RPP30: variants seen among roughly 807,000 people sequenced by gnomAD.
RPP30 encodes the protein ribonuclease P/MRP subunit p30.
RPP30 carries 36 observed loss-of-function variants against 38.6 expected under a neutral mutation model. That is an observed-to-expected ratio of 0.93 (90% CI 0.71 to 1.23). RPP30 has a LOEUF of 1.23. RPP30 is among the 50% of genes most tolerant of loss of function. The pLI, the probability that RPP30 is intolerant of heterozygous loss-of-function variation, is 0.00. For synonymous variants in RPP30, 126 were observed against 112.7 expected, an observed-to-expected ratio of 1.12 and a Z score of -0.75; for missense variants, 321 against 321.7, an observed-to-expected ratio of 1.00 and a Z score of 0.02.
intron 6 of RPP30, among the ~76,000 whole-genome samples, chr10:90,886,711 G>A (rs999277189): frequency 8.5e-5 from 13 of 152,112 alleles, no homozygotes; most frequent in African/African-American, 3.1e-4. Flanking sequence ...TCAAAAACTG[G>A]TATCCAAGGA....
At position 90,900,857 on chromosome 10, in the gene RPP30, C is replaced by CT; in HGVS notation, c.*183dup. 7.7e-7 allele frequency: 1 copy of CT among 1,296,424 alleles called. No homozygotes were observed. The highest frequency in any genetic ancestry group is 9.8e-7 in the Non-Finnish European group (1 of 1,024,234). 80.3% of individuals were successfully genotyped at this position (1,296,424 alleles called of 1,614,324 possible). A position where few individuals can be genotyped will look rare whatever the true frequency, so the allele number is the denominator to read the frequency against. On this transcript the variant is annotated 3_prime_UTR_variant, in exon 11 of 11. Transcript: ENST00000371703. Reference sequence around the variant, plus strand: ...CAACAAACGAAACCTAGTGAAGCATCTTTTTAAAAGGCTGCCAGCTTAATG... The same window carrying CT: ...CAACAAACGAAACCTAGTGAAGCATCTTTTTTAAAAGGCTGCCAGCTTAATG...
At chr10:90,875,109 G>A (rs1846834352) in intron 2 of RPP30, among the ~76,000 whole-genome samples, 185 bp downstream of exon 2, 2 of 152,062 alleles carry the variant, frequency 1.3e-5, no homozygotes, top group African/African-American at 4.8e-5. Context: ...ATTTTTGTGA[G>A]GTAATATGAC....
intron 6 of RPP30, among the ~76,000 whole-genome samples, chr10:90,893,372 G>A (rs765395220): frequency 7.9e-5 from 12 of 152,114 alleles, no homozygotes; most frequent in South Asian, 2.1e-4. Flanking sequence ...CTGGGCAATC[G>A]AAACTCATTT....
chr10:90,892,519 T>C (rs1417598426), intron 6 of RPP30, among the ~76,000 whole-genome samples: 1 of 152,190 alleles, frequency 6.6e-6, no homozygotes, highest in East Asian at 1.9e-4. Flanking sequence ...AAGTTGTTTT[T>C]ATTTTGATTT....
At chr10:90,891,316 C>A (rs960730926) in intron 6 of RPP30, among the ~76,000 whole-genome samples, 1 of 152,180 alleles carries the variant, frequency 6.6e-6, no homozygotes, top group Non-Finnish European at 1.5e-5. Flanking sequence ...TCAGTGTGTT[C>A]TCCCTGTTTG....
chr10:90,878,572 G>A (rs1846882440), intron 4 of RPP30, among the ~76,000 whole-genome samples: 1 of 151,616 alleles, frequency 6.6e-6, no homozygotes, highest in South Asian at 2.1e-4. Flanking sequence ...GCTCACTGCA[G>A]CCTCAACCTA....
chr10:90,888,329 CAGATA>C (rs1230318795), intron 6 of RPP30, among the ~76,000 whole-genome samples: 4 of 152,212 alleles, frequency 2.6e-5, no homozygotes, highest in African/African-American at 9.6e-5. Context: ...CAATGCACAA[CAGATA>C]ATTCCTCATG....
At chr10:90,892,774 A>T (rs769475614) in intron 6 of RPP30, among the ~76,000 whole-genome samples, 1 of 152,212 alleles carries the variant, frequency 6.6e-6, no homozygotes, top group African/African-American at 2.4e-5. Context: ...GCTAAAAGGG[A>T]TGTTTTTACT....
At chr10:90,898,370 G>A (rs766748786) in intron 10 of RPP30, among the ~76,000 whole-genome samples, 1 of 152,072 alleles carries the variant, frequency 6.6e-6, no homozygotes, top group African/African-American at 2.4e-5. Flanking sequence ...ATAAAATATG[G>A]TTACCCTGGT....
intron 5 of RPP30, among the ~76,000 whole-genome samples, chr10:90,882,414 G>A (rs747607294): frequency 5.9e-5 from 9 of 152,006 alleles, no homozygotes; most frequent in Non-Finnish European, 1.0e-4. Flanking sequence ...GGTGGCTCAC[G>A]CCTGTAATCC....
intron 6 of RPP30, among the ~76,000 whole-genome samples, chr10:90,886,951 G>A (rs1312770921): frequency 6.6e-6 from 1 of 152,024 alleles, no homozygotes; most frequent in Non-Finnish European, 1.5e-5. Context: ...AATTCAGTGT[G>A]GCAAAAATTA....
At chr10:90,900,467 C>T (rs1413557815) in intron 10 of RPP30, 103 bp from the exon 11 acceptor site, 8 of 1,153,406 alleles carry the variant, frequency 6.9e-6, no homozygotes, top group African/African-American at 3.1e-5. Flanking sequence ...TTCATTATGG[C>T]TTATCATTTG....
intron 6 of RPP30, among the ~76,000 whole-genome samples, chr10:90,891,452 A>C (rs943696843): frequency 1.5e-4 from 23 of 152,220 alleles, no homozygotes; most frequent in African/African-American, 5.5e-4. Flanking sequence ...TCCAAATATA[A>C]GATTACATTC....
intron 4 of RPP30, 45 bp downstream of exon 4, chr10:90,876,143 T>C (rs759252623): frequency 1.2e-5 from 15 of 1,211,098 alleles, no homozygotes; most frequent in Middle Eastern, 1.9e-4. Flanking sequence ...TTGTGAGTTG[T>C]ATTGATTAAT....
At chr10:90,892,579 C>T (rs1242285809) in intron 6 of RPP30, among the ~76,000 whole-genome samples, 3 of 152,200 alleles carry the variant, frequency 2.0e-5, no homozygotes, top group Admixed American at 6.5e-5. Context: ...AGGAATATTT[C>T]GAGATCTAAG....
chr10:90,885,738 A>G (rs1846991789), intron 5 of RPP30, 74 bp from the exon 6 acceptor site: 10 of 865,072 alleles, frequency 1.2e-5, no homozygotes, highest in Non-Finnish European at 1.9e-5. Flanking sequence ...CTTTATATCG[A>G]GTTTGACCCT....
At chr10:90,882,127 AAGCTTCTGG>A (rs1322604772) in intron 5 of RPP30, among the ~76,000 whole-genome samples, 1 of 152,104 alleles carries the variant, frequency 6.6e-6, no homozygotes, top group African/African-American at 2.4e-5. Flanking sequence ...AGTTGCATAG[AAGCTTCTGG>A]AGCTTCTGGA....
At chr10:90,875,171 T>A (rs1393730196) in intron 2 of RPP30, among the ~76,000 whole-genome samples, 1 of 152,178 alleles carries the variant, frequency 6.6e-6, no homozygotes, top group Non-Finnish European at 1.5e-5. Flanking sequence ...CTTTTCACTG[T>A]TCAAAAAGTG....
At chr10:90,907,567 A>C (rs1052144826), downstream of RPP30, among the ~76,000 whole-genome samples, 7 of 152,248 alleles carry the variant, frequency 4.6e-5, no homozygotes, top group African/African-American at 1.7e-4. Context: ...GTTAACATAT[A>C]TGATCTTATC....
Sources: gnomAD v4.1 joint callset for allele counts (sites outside exome capture counted in the v4.1 genomes callset) on GRCh38, gnomAD v4.1.1 for gene constraint, MANE v1.5 for transcripts, NCBI Gene and HGNC (gene_info 2026-07-23, HGNC 2026-07-21) for gene names.